BMP2K: variants seen among roughly 807,000 people sequenced by gnomAD.
The protein encoded by BMP2K is BMP2 inducible kinase, also known as BMP-2-inducible protein kinase.
Under a neutral mutation model 116.0 loss-of-function variants are expected in BMP2K, and 74 were observed. The observed-to-expected ratio is 0.64, with a 90% confidence interval of 0.53 to 0.77. BMP2K has a LOEUF of 0.77. Ranked by LOEUF, BMP2K falls within the 30% of genes least tolerant of loss-of-function variation. The pLI is 0.00. For missense variants in BMP2K, 1,365 were observed against 1,403.6 expected (o/e 0.97, Z 0.44); for synonymous variants, 486 against 502.5 (o/e 0.97, Z 0.44).
In BMP2K at chr4:78,851,009, C is replaced by G. The variant is rs1731226434; in HGVS notation, c.836C>G (p.Thr279Ser). The G allele has an allele frequency of 2.5e-5, 41 of 1,611,860 alleles. No homozygotes were observed. Among genetic ancestry groups the G allele is most frequent in the Non-Finnish European group, 3.5e-5 (41 of 1,178,702 alleles). The change falls in exon 7 of 16, where the codon ACC becomes AGC. Residue 279 changes from threonine (T) to serine (S), a missense_variant. Around this residue, in one of 3 missense-constraint regions of BMP2K, gnomAD observed 762 missense variants for 756.7 expected, o/e 1.01. Coordinates refer to ENST00000502613, the MANE Select transcript of BMP2K (RefSeq NM_198892.2). Reference protein sequence around the residue: ...SQVAICDGNFTIPDNSRYSRN... With the variant: ...SQVAICDGNFSIPDNSRYSRN... ...GTTGCTATCTGTGATGGCAACTTCA[C>G]CATCCCAGACAATTCTCGTTACTCC...
chr4:78,820,397 C>G (rs1411395856), intron 1 of BMP2K, among the ~76,000 whole-genome samples: 1 of 152,032 alleles, frequency 6.6e-6, no homozygotes, highest in African/African-American at 2.4e-5. Flanking sequence ...TGATGTGGAT[C>G]TTTTTGTTCT....
chr4:78,857,720 A>ATG (rs1731570117), intron 7 of BMP2K, among the ~76,000 whole-genome samples: 1 of 152,084 alleles, frequency 6.6e-6, no homozygotes, highest in Admixed American at 6.6e-5. Context: ...TTCCTTAAGG[A>ATG]TGTTGTTCAC....
At chr4:78,881,471 T>A (rs573961969) in intron 14 of BMP2K, among the ~76,000 whole-genome samples, 33 of 152,176 alleles carry the variant, frequency 2.2e-4, no homozygotes, top group African/African-American at 6.3e-4. Flanking sequence ...ACCCACTCTT[T>A]TAGGGTTCAA....
Position 78,861,677 on chromosome 4 carries a change from T to C in BMP2K, c.1067+209T>C, listed in dbSNP as rs148493975. On this transcript the variant is annotated intron_variant, in intron 9 of 15. Transcript: ENST00000502613. ...GTCTGGCATCATCTCACTGGAACTG[T>C]TCACTCTATGACAAGTGATTATTTA... Among the ~76,000 whole-genome samples, 280 of 152,120 alleles carry C rather than the reference T, an allele frequency of 1.8e-3. 1 individual carries two copies. Among genetic ancestry groups the C allele is most frequent in the African/African-American group, 6.2e-3 (257 of 41,554 alleles).
chr4:78,907,548 T>A (rs921704262), intron 15 of BMP2K, among the ~76,000 whole-genome samples: 3 of 152,220 alleles, frequency 2.0e-5, no homozygotes, highest in Non-Finnish European at 4.4e-5. Flanking sequence ...TTCCCCAAAG[T>A]ACTTTTGCAT....
intron 2 of BMP2K, among the ~76,000 whole-genome samples, chr4:78,829,781 T>C (rs1321984411): frequency 7.4e-5 from 8 of 107,814 alleles, no homozygotes; most frequent in African/African-American, 3.2e-4. Context: ...TTTTCTTTTC[T>C]TTTCTTTTCT....
In BMP2K at chr4:78,872,715, G is replaced by T. The variant is rs1258354908; in HGVS notation, c.1710G>T (p.Glu570Asp). The change falls in exon 13 of 16, where the codon GAG becomes GAT. Residue 570 changes from glutamate (E) to aspartate (D), a missense_variant. Physicochemically the swap from Glu to Asp is conservative, Grantham distance 45. Coordinates refer to ENST00000502613, the MANE Select transcript of BMP2K (RefSeq NM_198892.2). ...CTGAATATCTTACCTCCCCTCAAGA[G>T]TTCTCACCAGCCTTAGTTTCCTACA... ...ASPEYLTSPQ[E>D]FSPALVSYTS... The T allele has an allele frequency of 3.7e-6, 6 of 1,613,968 alleles. No individual in the cohort carries two copies. The Admixed American group carries it at 1.0e-4, about 27-fold the overall frequency.
At chr4:78,846,215 A>C (rs1448093176) in intron 5 of BMP2K, among the ~76,000 whole-genome samples, 1 of 151,622 alleles carries the variant, frequency 6.6e-6, no homozygotes, top group Non-Finnish European at 1.5e-5. Flanking sequence ...TTGTGGCTCA[A>C]TTAATGGACT....
intron 15 of BMP2K, among the ~76,000 whole-genome samples, chr4:78,889,064 A>G (rs1190147303): frequency 6.6e-6 from 1 of 152,094 alleles, no homozygotes; most frequent in Non-Finnish European, 1.5e-5. Flanking sequence ...TACTAAAAAT[A>G]CAAAAAATCA....
chr4:78,861,807 A>T (rs1371765827), intron 9 of BMP2K, among the ~76,000 whole-genome samples: 1 of 151,832 alleles, frequency 6.6e-6, no homozygotes, highest in East Asian at 1.9e-4. Flanking sequence ...ATAGATGTTT[A>T]TTTTTTTAAT....
intron 1 of BMP2K, among the ~76,000 whole-genome samples, chr4:78,823,564 A>G (rs1156823583): frequency 4.8e-5 from 7 of 145,848 alleles, no homozygotes; most frequent in South Asian, 2.1e-4. Context: ...ATATAGTTAT[A>G]TAGTTATATA....
chr4:78,793,123 T>C (rs1016518921), intron 1 of BMP2K, among the ~76,000 whole-genome samples: 6 of 152,118 alleles, frequency 3.9e-5, no homozygotes, highest in African/African-American at 7.2e-5. Flanking sequence ...TATTAAATTG[T>C]TATGTAGGCC....
chr4:78,812,889 A>G (rs1729156157), intron 1 of BMP2K, among the ~76,000 whole-genome samples: 1 of 151,934 alleles, frequency 6.6e-6, no homozygotes, highest in Non-Finnish European at 1.5e-5. Context: ...CCAAAAAATT[A>G]AAAAACTTAG....
intron 3 of BMP2K, 38 bp from the exon 4 acceptor site, chr4:78,842,346 AT>A: frequency 6.6e-7 from 1 of 1,522,976 alleles, no homozygotes; most frequent in Non-Finnish European, 8.9e-7. Flanking sequence ...GACTTTATTT[AT>A]TAAAAATATG....
At chr4:78,849,657 T>TA (rs1731159898) in intron 6 of BMP2K, among the ~76,000 whole-genome samples, 1 of 151,590 alleles carries the variant, frequency 6.6e-6, no homozygotes, top group South Asian at 2.1e-4. Flanking sequence ...GAGCTGAAAA[T>TA]ATCTTCCTTA....
intron 1 of BMP2K, among the ~76,000 whole-genome samples, chr4:78,817,391 C>T (rs1057439744): frequency 2.0e-5 from 3 of 152,068 alleles, no homozygotes; most frequent in Non-Finnish European, 4.4e-5. Context: ...TTGGGGGTTC[C>T]CTTTGGGTTT....
At position 78,914,154 on chromosome 4, in the gene BMP2K, TTCA is replaced by T. The variant is rs1262552651; in HGVS notation, c.*2126_*2128del. On this transcript the variant is annotated 3_prime_UTR_variant, in exon 16 of 16. Coordinates refer to ENST00000502613, the MANE Select transcript of BMP2K (RefSeq NM_198892.2). The stretch of plus-strand genomic sequence containing the variant: ...TTGGTCTCTGCTAGACCTCATGAGT[TTCA>T]TCATTTAGAAAAGGGGTAGAGGATG... 6.6e-6 allele frequency: 1 copy of T among 152,068 alleles called. No homozygotes were observed. Among genetic ancestry groups the T allele is most frequent in the African/African-American group, 2.4e-5 (1 of 41,440 alleles). The allele number at this position is 152,068 out of a possible 1,614,324, so 9.4% of individuals were successfully genotyped here.
intron 15 of BMP2K, among the ~76,000 whole-genome samples, chr4:78,895,108 A>T (rs1733635115): frequency 6.6e-6 from 1 of 152,218 alleles, no homozygotes; most frequent in Non-Finnish European, 1.5e-5. Flanking sequence ...ATAATGAAAA[A>T]GTTTTAAATA....
intron 15 of BMP2K, among the ~76,000 whole-genome samples, chr4:78,897,713 T>C (rs1733777111): frequency 6.6e-6 from 1 of 152,216 alleles, no homozygotes; most frequent in Admixed American, 6.5e-5. Context: ...TATATTTGCA[T>C]TGGTGCCTCT....
Sources: allele counts gnomAD v4.1 joint callset (sites outside exome capture counted in the v4.1 genomes callset), GRCh38; gene constraint gnomAD v4.1.1; regional missense constraint gnomAD v4.1.1; transcripts MANE v1.5; gene names NCBI Gene and HGNC (gene_info 2026-07-23, HGNC 2026-07-21).